GRM7: variants seen among roughly 807,000 people sequenced by gnomAD.
GRM7 encodes metabotropic glutamate receptor 7.
Under a neutral mutation model 84.5 loss-of-function variants are expected in GRM7, and 35 were observed. That is an observed-to-expected ratio of 0.41 (90% CI 0.32 to 0.55). The LOEUF (loss-of-function observed/expected upper bound fraction) is 0.55, where lower values mean the gene tolerates loss of function less well. Ranked by LOEUF, GRM7 falls within the 20% of genes least tolerant of loss-of-function variation. GRM7 has a pLI of 0.19. For synonymous variants in GRM7, 487 were observed against 455.1 expected (o/e 1.07, Z -0.89); for missense variants, 1,003 against 1,194.6 (o/e 0.84, Z 2.36).
At chr3:7,059,256 A>C (rs949195472) in intron 1 of GRM7, among the ~76,000 whole-genome samples, 16 of 151,804 alleles carry the variant, frequency 1.1e-4, no homozygotes, top group Non-Finnish European at 8.8e-5. Context: ...AGGACAGAGA[A>C]ATTGATTTAC....
At chr3:7,035,577 A>G (rs946037192) in intron 1 of GRM7, among the ~76,000 whole-genome samples, 1 of 152,230 alleles carries the variant, frequency 6.6e-6, no homozygotes, top group Non-Finnish European at 1.5e-5. Context: ...TTAAAGAGAT[A>G]TCAGACCATA....
Position 7,298,831 on chromosome 3 carries a change from A to C in GRM7, c.878+6A>C. The C allele has an allele frequency of 6.2e-7, 1 of 1,612,354 alleles. No individual in the cohort carries two copies. Among genetic ancestry groups the C allele is most frequent in the Middle Eastern group, 1.7e-4 (1 of 6,054 alleles). On this transcript the variant is annotated splice_donor_region_variant and intron_variant, in intron 3 of 9. Transcript: ENST00000357716. Reference sequence around the variant, plus strand: ...GCCAACGATGAGGATATAAAGTAAGAATAACTGGTGACAATTGTTAATATG... The same window carrying C: ...GCCAACGATGAGGATATAAAGTAAGCATAACTGGTGACAATTGTTAATATG...
chr3:6,918,111 C>T (rs939134278), intron 1 of GRM7, among the ~76,000 whole-genome samples: 2 of 152,146 alleles, frequency 1.3e-5, no homozygotes, highest in Non-Finnish European at 2.9e-5. Context: ...CTAAATGCAT[C>T]TCTGTGAGTC....
At chr3:7,474,627 G>A (rs1380143559) in intron 7 of GRM7, among the ~76,000 whole-genome samples, 2 of 152,080 alleles carry the variant, frequency 1.3e-5, no homozygotes, top group Non-Finnish European at 2.9e-5. Context: ...CACAAAAGTG[G>A]TATCAGAGTT....
intron 7 of GRM7, among the ~76,000 whole-genome samples, chr3:7,538,505 C>T (rs1692689224): frequency 6.6e-6 from 1 of 152,196 alleles, no homozygotes; most frequent in African/African-American, 2.4e-5. Flanking sequence ...GCCAGGGAAT[C>T]TGCATCAGCA....
At chr3:7,564,399 T>G (rs1694164219) in intron 7 of GRM7, among the ~76,000 whole-genome samples, 1 of 152,182 alleles carries the variant, frequency 6.6e-6, no homozygotes, top group Non-Finnish European at 1.5e-5. Context: ...TTTGAACCCG[T>G]GATCATCTGA....
chr3:7,172,105 G>A (rs1324046546), intron 2 of GRM7, among the ~76,000 whole-genome samples: 1 of 152,110 alleles, frequency 6.6e-6, no homozygotes, highest in East Asian at 1.9e-4. Context: ...TTTAGCACGG[G>A]ATTTTCAAAA....
intron 2 of GRM7, among the ~76,000 whole-genome samples, chr3:7,162,065 G>A (rs541263230): frequency 9.7e-4 from 148 of 152,286 alleles, no homozygotes; most frequent in African/African-American, 3.4e-3. Context: ...GGTGATGGTT[G>A]TTACGAGCAG....
chr3:7,451,176 G>C (rs1474111456), intron 5 of GRM7, among the ~76,000 whole-genome samples: 1 of 152,212 alleles, frequency 6.6e-6, no homozygotes, highest in Admixed American at 6.5e-5. Flanking sequence ...AAGAGGTCTA[G>C]AGAGAGCTAC....
At position 7,168,392 on chromosome 3, in the gene GRM7, A is replaced by G. The variant is rs538809479; in HGVS notation, c.736+21724A>G. On this transcript the variant is annotated intron_variant, in intron 2 of 9. Transcript: ENST00000357716. ...AGGCATTTGGAAGTTGATTAGGTTT[A>G]GATGAGGTCATGAAGGTCGGGACTT... Among the ~76,000 whole-genome samples, 2 of 152,268 alleles carry G rather than the reference A, an allele frequency of 1.3e-5. 1 individual carries two copies. Among genetic ancestry groups the G allele is most frequent in the East Asian group, 3.9e-4 (2 of 5,158 alleles).
chr3:7,239,561 C>T (rs1046269717), intron 2 of GRM7, among the ~76,000 whole-genome samples: 2 of 152,086 alleles, frequency 1.3e-5, no homozygotes, highest in Non-Finnish European at 2.9e-5. Context: ...CATTATTTCA[C>T]GGTGTGTCTG....
chr3:7,545,570 T>G (rs1454902602), intron 7 of GRM7, among the ~76,000 whole-genome samples: 2 of 152,170 alleles, frequency 1.3e-5, no homozygotes, highest in Admixed American at 1.3e-4. Flanking sequence ...CCAGAAAGTC[T>G]TTGTGATAAG....
At chr3:7,173,199 A>T (rs981480174) in intron 2 of GRM7, among the ~76,000 whole-genome samples, 1 of 152,190 alleles carries the variant, frequency 6.6e-6, no homozygotes, top group Non-Finnish European at 1.5e-5. Context: ...CCTCTAAGGC[A>T]TGACTAAACT....
chr3:7,711,715 G>A lies in GRM7; in HGVS notation c.2699-28642G>A, dbSNP rs534431480. Among the ~76,000 whole-genome samples, 17 of 152,212 alleles carry A rather than the reference G, an allele frequency of 1.1e-4. No homozygotes were observed. In the East Asian group the frequency reaches 3.1e-3, roughly 28 times the overall value. On this transcript the variant is annotated intron_variant, in intron 9 of 9. Transcript: ENST00000357716. ...CTATCCGCGTTCTTTTAGTTCTCTCGATGCCTCGCCTGTGTGTTACACACG... is the reference window on the plus strand; with the variant it reads ...CTATCCGCGTTCTTTTAGTTCTCTCAATGCCTCGCCTGTGTGTTACACACG...
intron 4 of GRM7, among the ~76,000 whole-genome samples, chr3:7,328,199 A>G (rs1701058563): frequency 6.6e-6 from 1 of 152,234 alleles, no homozygotes; most frequent in Non-Finnish European, 1.5e-5. Flanking sequence ...TTACCAAGGT[A>G]ACAGATTAGG....
chr3:6,941,957 G>T (rs1160264655), intron 1 of GRM7, among the ~76,000 whole-genome samples: 1 of 152,058 alleles, frequency 6.6e-6, no homozygotes, highest in African/African-American at 2.4e-5. Context: ...AGAATATCAG[G>T]AACAACAATT....
At chr3:6,885,721 T>G (rs922293783) in intron 1 of GRM7, among the ~76,000 whole-genome samples, 1 of 152,258 alleles carries the variant, frequency 6.6e-6, no homozygotes, top group Admixed American at 6.5e-5. Context: ...TTGAGAGACC[T>G]CATTTCCTTC....
At chr3:7,223,089 G>T (rs1185374751) in intron 2 of GRM7, among the ~76,000 whole-genome samples, 4 of 152,176 alleles carry the variant, frequency 2.6e-5, no homozygotes, top group Admixed American at 2.0e-4. Context: ...AAATGTATAT[G>T]TTGACTAACT....
chr3:7,593,459 G>A (rs1000103880), intron 8 of GRM7, among the ~76,000 whole-genome samples: 28 of 152,244 alleles, frequency 1.8e-4, no homozygotes, highest in African/African-American at 6.5e-4. Flanking sequence ...GAGACAATAT[G>A]CAAACAAACA....
Sources: allele counts gnomAD v4.1 joint callset (sites outside exome capture counted in the v4.1 genomes callset), GRCh38; gene constraint gnomAD v4.1.1; transcripts MANE v1.5; gene names NCBI Gene and HGNC (gene_info 2026-07-23, HGNC 2026-07-21).